Variants in RANBP2 observed in about 807,000 individuals in gnomAD.
RANBP2 encodes RAN binding protein 2, also known as E3 SUMO-protein ligase RanBP2.
A neutral mutation model predicts 303.6 loss-of-function variants in RANBP2; 57 were observed. The observed-to-expected ratio is 0.19, with a 90% confidence interval of 0.15 to 0.23. RANBP2 has a LOEUF of 0.23. RANBP2 is among the 10% of genes least tolerant of loss of function. The pLI is 1.00. For synonymous variants in RANBP2, 1,167 were observed against 1,301.5 expected (o/e 0.90, Z 2.23); for missense variants, 3,138 against 3,780.8 (o/e 0.83, Z 4.46).
At chr2:109,573,578 C>T in the RANBP2 span, among the ~76,000 whole-genome samples, 7 of 152,144 alleles carry the variant, frequency 4.6e-5, no homozygotes, top group African/African-American at 1.7e-4. Context: ...ACTAGGCAGG[C>T]CTTCAGGCTT....
At chr2:109,201,467 T>A in the RANBP2 span, among the ~76,000 whole-genome samples, 1 of 152,116 alleles carries the variant, frequency 6.6e-6, no homozygotes, top group South Asian at 2.1e-4. Context: ...GTCCCACCTC[T>A]CTCTCTCTTA....
At chr2:109,189,018 G>A in the RANBP2 span, among the ~76,000 whole-genome samples, 66 of 152,036 alleles carry the variant, frequency 4.3e-4, no homozygotes, top group African/African-American at 1.5e-3. Flanking sequence ...GGCAGCCTCT[G>A]TCTTCACCAG....
At chr2:108,839,868 C>T in the RANBP2 span, among the ~76,000 whole-genome samples, 1 of 151,402 alleles carries the variant, frequency 6.6e-6, no homozygotes, top group Non-Finnish European at 1.5e-5. Flanking sequence ...TTTCCTTTTC[C>T]TACCTTATTG....
At chr2:109,452,475 G>A in the RANBP2 span, among the ~76,000 whole-genome samples, 2 of 152,230 alleles carry the variant, frequency 1.3e-5, no homozygotes, top group Admixed American at 1.3e-4. Context: ...ATATACCTCA[G>A]TGCAGCGCAG....
At chr2:108,858,298 T>G in the RANBP2 span, among the ~76,000 whole-genome samples, 2 of 152,162 alleles carry the variant, frequency 1.3e-5, no homozygotes, top group Non-Finnish European at 2.9e-5. Flanking sequence ...GAGCCAAGAT[T>G]GTGCCACTGT....
chr2:109,386,555 C>T, the RANBP2 span, among the ~76,000 whole-genome samples: 1 of 152,214 alleles, frequency 6.6e-6, no homozygotes, highest in Admixed American at 6.5e-5. Flanking sequence ...GGTTTGCGGC[C>T]CTTGAGTGTG....
chr2:108,790,148 TATC>T (rs908123559), downstream of RANBP2, among the ~76,000 whole-genome samples: 4 of 152,298 alleles, frequency 2.6e-5, no homozygotes, highest in Admixed American at 1.3e-4. Flanking sequence ...TGTTACCTAT[TATC>T]ATTATTATTA....
chr2:109,438,063 A>C, the RANBP2 span, among the ~76,000 whole-genome samples: 8 of 152,368 alleles, frequency 5.3e-5, no homozygotes, highest in East Asian at 1.4e-3. Context: ...GGAAGCAATA[A>C]AATATACTAT....
chr2:108,994,809 TATATATATATATATATATATC>T, the RANBP2 span, among the ~76,000 whole-genome samples: 3 of 111,116 alleles, frequency 2.7e-5, no homozygotes, highest in Non-Finnish European at 5.1e-5. Flanking sequence ...TATATATATA[TATATATATATATATATATATC>T]TTTTTTTTTT....
the RANBP2 span, among the ~76,000 whole-genome samples, chr2:108,967,124 G>A: frequency 4.6e-5 from 7 of 152,102 alleles, no homozygotes; most frequent in Non-Finnish European, 2.9e-5. Context: ...TAGTAGAGAC[G>A]GAGTTTTGTC....
At chr2:109,536,061 G>C in the RANBP2 span, among the ~76,000 whole-genome samples, 2 of 124,442 alleles carry the variant, frequency 1.6e-5, no homozygotes, top group African/African-American at 3.0e-5. Flanking sequence ...GTGGGGGGGG[G>C]GTCTCTCATG....
At chr2:109,112,770 T>C in the RANBP2 span, among the ~76,000 whole-genome samples, 41 of 152,360 alleles carry the variant, frequency 2.7e-4, no homozygotes, top group African/African-American at 8.9e-4. Flanking sequence ...GTTTTAGGTC[T>C]AATATTTAAG....
the RANBP2 span, among the ~76,000 whole-genome samples, chr2:108,894,045 C>T: frequency 6.6e-6 from 1 of 152,084 alleles, no homozygotes; most frequent in Non-Finnish European, 1.5e-5. Context: ...TTAAGGTATT[C>T]CAACAGACAG....
At chr2:109,758,294 G>A in the RANBP2 span, among the ~76,000 whole-genome samples, 7 of 27,610 alleles carry the variant, frequency 2.5e-4, 1 homozygote, top group East Asian at 7.2e-3. Context: ...TGTAATCCCA[G>A]CTACTGGGAA....
rs371593092 is a variant in RANBP2, at chr2:108,753,045, A to G, written c.1803A>G (p.Arg601=). Residue 601 remains arginine (R), a synonymous_variant, in exon 13 of 29, where the codon AGA becomes AGG. Transcript: ENST00000283195. ...ATGATCAACGAGAATACATAGGGAG[A>G]AGTGTTCATTATTGGAAGAAAGTTT... ...SFYDQREYIG[R]SVHYWKKVLP... 2.5e-5 allele frequency: 40 copies of G among 1,609,934 alleles called. No homozygotes were observed. In the African/African-American group the frequency reaches 4.6e-4, roughly 18 times the overall value.
the RANBP2 span, among the ~76,000 whole-genome samples, chr2:109,328,987 G>T: frequency 6.6e-6 from 1 of 152,022 alleles, no homozygotes; most frequent in South Asian, 2.1e-4. Flanking sequence ...CGTCCTGGTG[G>T]CTGCTCTGTG....
At chr2:109,193,214 G>T in the RANBP2 span, among the ~76,000 whole-genome samples, 2 of 152,246 alleles carry the variant, frequency 1.3e-5, no homozygotes, top group Non-Finnish European at 2.9e-5. Flanking sequence ...TTCCTGGGAA[G>T]ATCAGCTGAG....
chr2:108,915,654 C>T, the RANBP2 span, among the ~76,000 whole-genome samples: 17 of 152,082 alleles, frequency 1.1e-4, no homozygotes, highest in African/African-American at 3.9e-4. Flanking sequence ...AATCCCAGCA[C>T]TTTGGGAGGC....
At chr2:109,099,402 A>G in the RANBP2 span, among the ~76,000 whole-genome samples, 1 of 152,134 alleles carries the variant, frequency 6.6e-6, no homozygotes, top group Admixed American at 6.5e-5. Context: ...AGCAGAGGGA[A>G]TGCTGGTCAG....
Sources: gnomAD v4.1 joint callset for allele counts (sites outside exome capture counted in the v4.1 genomes callset) on GRCh38, gnomAD v4.1.1 for gene constraint, MANE v1.5 for transcripts, NCBI Gene and HGNC (gene_info 2026-07-23, HGNC 2026-07-21) for gene names.